Variants in ANKRD30BL observed in about 807,000 individuals in gnomAD.
The protein encoded by ANKRD30BL is putative ankyrin repeat domain-containing protein 30B-like.
A neutral mutation model predicts 18.4 loss-of-function variants in ANKRD30BL; 20 were observed. The observed-to-expected ratio is 1.09, with a 90% CI of 0.77 to 1.58. ANKRD30BL has a LOEUF of 1.58. Ranked by LOEUF, ANKRD30BL falls within the 40% of genes most tolerant of loss-of-function variation. ANKRD30BL has a pLI of 0.00. For synonymous variants in ANKRD30BL, 72 were observed against 100.9 expected, an observed-to-expected ratio of 0.71 and a Z score of 1.72; for missense variants, 224 against 268.6, an observed-to-expected ratio of 0.83 and a Z score of 1.16.
At chr2:132,235,866 AG>A (rs1448867670) in intron 1 of ANKRD30BL, among the ~76,000 whole-genome samples, 1 of 152,176 alleles carries the variant, frequency 6.6e-6, no homozygotes, top group Non-Finnish European at 1.5e-5. Flanking sequence ...ACCAAAAAAG[AG>A]CCCGCATCAC....
At chr2:132,239,006 C>T (rs1208556833) in intron 1 of ANKRD30BL, among the ~76,000 whole-genome samples, 2 of 151,878 alleles carry the variant, frequency 1.3e-5, no homozygotes, top group South Asian at 2.1e-4. Flanking sequence ...CTTTGTGAGA[C>T]TTGCATTCAA....
At chr2:132,236,977 G>A (rs1371870980) in intron 1 of ANKRD30BL, among the ~76,000 whole-genome samples, 1 of 151,636 alleles carries the variant, frequency 6.6e-6, no homozygotes, top group African/African-American at 2.4e-5. Context: ...CCTTTGTAGG[G>A]ACATGGATGA....
intron 1 of ANKRD30BL, among the ~76,000 whole-genome samples, chr2:132,210,707 T>A (rs1374974694): frequency 2.0e-5 from 3 of 151,876 alleles, no homozygotes; most frequent in African/African-American, 7.3e-5. Flanking sequence ...GAAACTGAAA[T>A]ATCTTCACCT....
At chr2:132,224,144 C>T (rs79895863) in intron 1 of ANKRD30BL, among the ~76,000 whole-genome samples, 1 of 151,436 alleles carries the variant, frequency 6.6e-6, no homozygotes, top group Admixed American at 6.6e-5. Flanking sequence ...TTCACATAAA[C>T]ACTAGATAGA....
intron 1 of ANKRD30BL, among the ~76,000 whole-genome samples, chr2:132,242,099 C>T (rs1320243386): frequency 6.6e-6 from 1 of 151,290 alleles, no homozygotes; most frequent in Non-Finnish European, 1.5e-5. Context: ...CAGAGTTAAA[C>T]ATTTTTCTTA....
At chr2:132,196,940 C>T (rs922349507) in intron 1 of ANKRD30BL, among the ~76,000 whole-genome samples, 7 of 152,110 alleles carry the variant, frequency 4.6e-5, no homozygotes, top group Non-Finnish European at 1.0e-4. Context: ...ATTTAAAAGT[C>T]AGAAAGACCA....
At chr2:132,202,299 A>T (rs1219371250) in intron 1 of ANKRD30BL, among the ~76,000 whole-genome samples, 1 of 151,818 alleles carries the variant, frequency 6.6e-6, no homozygotes, top group Non-Finnish European at 1.5e-5. Context: ...AATAATAAAC[A>T]TAAAAAAGTA....
intron 1 of ANKRD30BL, among the ~76,000 whole-genome samples, chr2:132,201,586 A>T (rs370989136): frequency 2.0e-5 from 3 of 152,326 alleles, no homozygotes; most frequent in East Asian, 3.9e-4. Context: ...TCAAAACCAC[A>T]ATGAGATACC....
intron 1 of ANKRD30BL, among the ~76,000 whole-genome samples, chr2:132,167,463 C>A (rs1300528598): frequency 6.6e-6 from 1 of 152,088 alleles, no homozygotes; most frequent in East Asian, 1.9e-4. Context: ...GCTGGGATTA[C>A]AGATGTGTGC....
chr2:132,193,612 C>T (rs928947748), intron 1 of ANKRD30BL, among the ~76,000 whole-genome samples: 1 of 152,282 alleles, frequency 6.6e-6, no homozygotes, highest in African/African-American at 2.4e-5. Context: ...CAGCTAGACT[C>T]ATGGAGCCCT....
At position 132,228,311 on chromosome 2, in the gene ANKRD30BL, G is replaced by A. The variant is rs80355413; in HGVS notation, n.441+29218C>T. Among the ~76,000 whole-genome samples, 347 of 151,424 alleles carry A rather than the reference G, an allele frequency of 2.3e-3. 1 individual carries two copies. The highest frequency in any genetic ancestry group is 7.8e-3 in the African/African-American group (323 of 41,346). On this transcript the variant is annotated intron_variant and non_coding_transcript_variant, in intron 1 of 4. Transcript: ENST00000470729. ...CGGAGAAGCTTCTTTGGATGCATGC[G>A]TTTATCTCACAGAGTTGAACCTTTC...
intron 1 of ANKRD30BL, among the ~76,000 whole-genome samples, chr2:132,247,749 T>G (rs1265117552): frequency 6.6e-6 from 1 of 151,976 alleles, no homozygotes; most frequent in Admixed American, 6.6e-5. Flanking sequence ...TATAGTTTTC[T>G]GTGAAGATAT....
At chr2:132,202,072 C>T (rs1679110085) in intron 1 of ANKRD30BL, among the ~76,000 whole-genome samples, 1 of 152,122 alleles carries the variant, frequency 6.6e-6, no homozygotes, top group Non-Finnish European at 1.5e-5. Context: ...TATTCTCACT[C>T]ATAGGTGGGA....
At chr2:132,194,111 CTCTCTCTATT>C (rs1366416254) in intron 1 of ANKRD30BL, among the ~76,000 whole-genome samples, 1 of 152,022 alleles carries the variant, frequency 6.6e-6, no homozygotes, top group African/African-American at 2.4e-5. Context: ...CCGATACTCT[CTCTCTCTATT>C]TCTCTCCCCC....
intron 1 of ANKRD30BL, among the ~76,000 whole-genome samples, chr2:132,160,169 T>C (rs1573805060): frequency 6.6e-6 from 1 of 152,128 alleles, no homozygotes; most frequent in African/African-American, 2.4e-5. Context: ...TGATGGGATC[T>C]CAGCTCACTG....
At chr2:132,200,558 A>T (rs1679076717) in intron 1 of ANKRD30BL, among the ~76,000 whole-genome samples, 1 of 152,222 alleles carries the variant, frequency 6.6e-6, no homozygotes. Flanking sequence ...CTTCAAAGAG[A>T]ATAAAATACC....
chr2:132,164,269 CTTTTTT>C (rs796313755), upstream of ANKRD30BL, among the ~76,000 whole-genome samples: 63 of 112,206 alleles, frequency 5.6e-4, no homozygotes, highest in African/African-American at 1.9e-3. Flanking sequence ...TTTTCTTTTT[CTTTTTT>C]TTTTTTTTTT....
intron 1 of ANKRD30BL, among the ~76,000 whole-genome samples, chr2:132,198,804 G>A (rs1216950244): frequency 1.3e-5 from 2 of 151,928 alleles, no homozygotes; most frequent in African/African-American, 4.8e-5. Flanking sequence ...TTTTAGTAGA[G>A]ACGACGTTTC....
intron 1 of ANKRD30BL, among the ~76,000 whole-genome samples, chr2:132,223,940 C>G (rs367600475): frequency 1.3e-5 from 2 of 152,066 alleles, no homozygotes; most frequent in African/African-American, 2.4e-5. Flanking sequence ...CGCTTTGAGG[C>G]CTTCGTTGGA....
Sources: gnomAD v4.1 joint callset for allele counts (sites outside exome capture counted in the v4.1 genomes callset) on GRCh38, gnomAD v4.1.1 for gene constraint, MANE v1.5 for transcripts, NCBI Gene and HGNC (gene_info 2026-07-23, HGNC 2026-07-21) for gene names.